PARN: variants seen among roughly 807,000 people sequenced by gnomAD.
PARN encodes the protein poly(A)-specific ribonuclease PARN.
PARN carries 71 observed loss-of-function variants against 102.8 expected under a neutral mutation model. The ratio of observed to expected loss-of-function variants is 0.69; its 90% CI spans 0.57 to 0.84. The LOEUF is 0.84. Ranked by LOEUF, PARN falls within the 40% of genes least tolerant of loss-of-function variation. PARN has a pLI of 0.00. For synonymous variants in PARN, 261 were observed against 252.9 expected, an observed-to-expected ratio of 1.03 and a Z score of -0.30; for missense variants, 782 against 760.9, an observed-to-expected ratio of 1.03 and a Z score of -0.33.
At chr16:14,612,911 T>A (rs533618508) in intron 6 of PARN, among the ~76,000 whole-genome samples, 169 of 150,482 alleles carry the variant, frequency 1.1e-3, no homozygotes, top group Middle Eastern at 3.4e-3. Flanking sequence ...ACATGTTAAA[T>A]CATCTAAGGG....
chr16:14,608,994 C>T, intron 8 of PARN, 64 bp downstream of exon 8: 1 of 869,806 alleles, frequency 1.1e-6, no homozygotes, highest in Admixed American at 2.4e-5. Context: ...CTAGATGCAT[C>T]AAATGCCACA....
intron 10 of PARN, 68 bp from the exon 11 acceptor site, chr16:14,604,294 C>A: frequency 9.9e-7 from 1 of 1,011,330 alleles, no homozygotes; most frequent in South Asian, 1.4e-5. Flanking sequence ...GAGTTTCGCT[C>A]TTGTTGCTCA....
rs147135041 is a variant in PARN, at chr16:14,607,136, C to T, written c.660-610G>A. On this transcript the variant is annotated intron_variant, in intron 9 of 23. Coordinates refer to ENST00000437198, the MANE Select transcript of PARN (RefSeq NM_002582.4). ...ATCTCAAAATACAGTCAACTCATTA[C>T]CACAGAGTCAAATCTTGCTTCCAAA... Among the ~76,000 whole-genome samples the T allele has an allele frequency of 2.5e-3, 382 of 152,198 alleles. 2 individuals are homozygous for T. The highest frequency in any genetic ancestry group is 9.0e-3 in the African/African-American group (375 of 41,542).
At chr16:14,454,064 C>T (rs1044610273) in intron 22 of PARN, among the ~76,000 whole-genome samples, 5 of 152,040 alleles carry the variant, frequency 3.3e-5, no homozygotes, top group African/African-American at 1.2e-4. Context: ...ATGTTTTGAC[C>T]TCATCCCCCT....
At chr16:14,486,738 A>C (rs1963721730) in intron 21 of PARN, among the ~76,000 whole-genome samples, 1 of 152,206 alleles carries the variant, frequency 6.6e-6, no homozygotes. Context: ...CTCTGGCTCA[A>C]AGCCACGCCT....
At chr16:14,486,832 C>T (rs916694140) in intron 21 of PARN, among the ~76,000 whole-genome samples, 10 of 152,258 alleles carry the variant, frequency 6.6e-5, no homozygotes, top group Non-Finnish European at 1.0e-4. Context: ...CAGCATGTAG[C>T]AGGCTGCTGG....
chr16:14,534,376 C>G (rs898703549), intron 21 of PARN, among the ~76,000 whole-genome samples: 1 of 151,994 alleles, frequency 6.6e-6, no homozygotes, highest in Non-Finnish European at 1.5e-5. Flanking sequence ...CTAGACTATA[C>G]AAAGATAAAT....
chr16:14,584,472 T>C, intron 15 of PARN, 50 bp from the exon 16 acceptor site: 3 of 1,451,426 alleles, frequency 2.1e-6, no homozygotes, highest in Non-Finnish European at 2.9e-6. Context: ...CTCAGAACAA[T>C]ATATTAAAGA....
At position 14,617,652 on chromosome 16, in the gene PARN, T is replaced by C; in HGVS notation, c.328-2A>G. ...TGCTAGAAAGTCAATGCTGGAGCTC[T>C]GAAACAGAGTAAACAGAACACATGT... is the stretch of plus-strand genomic sequence containing the variant. On this transcript the variant is annotated splice_acceptor_variant, in intron 5 of 23. Coordinates refer to ENST00000437198, the MANE Select transcript of PARN (RefSeq NM_002582.4). LOFTEE classifies it high-confidence loss of function. The C allele has an allele frequency of 1.3e-6, 2 of 1,580,340 alleles. No homozygotes were observed. Among genetic ancestry groups the C allele is most frequent in the Non-Finnish European group, 1.7e-6 (2 of 1,149,306 alleles).
chr16:14,513,333 A>G lies in PARN; in HGVS notation c.1481-30506T>C, dbSNP rs141897315. Among the ~76,000 whole-genome samples the G allele has an allele frequency of 1.2e-3, 187 of 152,312 alleles. No homozygotes were observed. In the Middle Eastern group the frequency reaches 0.014, roughly 11 times the overall value. ...TACAAACATGAACTATTTACTATAT[A>G]TATTCATTTTACCTGAGCTATGCTT... On this transcript the variant is annotated intron_variant, in intron 21 of 23. Transcript: ENST00000437198.
rs142529706 is a variant in PARN, at chr16:14,511,689, G to T, written c.1481-28862C>A. The stretch of plus-strand genomic sequence containing the variant: ...GGTTAAATGCATCCACTATGTTATG[G>T]TATGTTATGTTATGTTATGTTATAT... On this transcript the variant is annotated intron_variant, in intron 21 of 23. Coordinates refer to ENST00000437198, the MANE Select transcript of PARN (RefSeq NM_002582.4). 3.9e-4 allele frequency among the ~76,000 whole-genome samples: 60 copies of T among 152,124 alleles called. No individual in the cohort carries two copies. The South Asian group carries it at 5.0e-3, about 13-fold the overall frequency.
At chr16:14,552,147 T>C in intron 20 of PARN, 52 bp from the exon 21 acceptor site, 3 of 1,062,218 alleles carry the variant, frequency 2.8e-6, no homozygotes, top group African/African-American at 1.6e-5. Flanking sequence ...TGGAGAGCTA[T>C]TAGATTTAAT....
chr16:14,584,514 AT>A, intron 15 of PARN, 92 bp from the exon 16 acceptor site: 1 of 1,014,748 alleles, frequency 9.9e-7, no homozygotes. Context: ...AAAAGACAGC[AT>A]CTAGTACTGT....
chr16:14,555,406 TG>T (rs1037069524), intron 19 of PARN, among the ~76,000 whole-genome samples: 14 of 152,118 alleles, frequency 9.2e-5, no homozygotes, highest in African/African-American at 3.4e-4. Context: ...TGAGTGAAAA[TG>T]AAATATATAG....
intron 22 of PARN, among the ~76,000 whole-genome samples, chr16:14,452,258 AACTG>A (rs1319926065): frequency 2.0e-5 from 3 of 152,222 alleles, no homozygotes; most frequent in Non-Finnish European, 4.4e-5. Context: ...CTCCATAAAC[AACTG>A]ACTGCTATGC....
intron 6 of PARN, among the ~76,000 whole-genome samples, chr16:14,614,491 C>G (rs1409780627): frequency 6.6e-6 from 1 of 152,116 alleles, no homozygotes; most frequent in Non-Finnish European, 1.5e-5. Flanking sequence ...CACGCTGTGC[C>G]TACAGGAGTC....
chr16:14,493,959 C>T (rs1168213972), intron 21 of PARN, among the ~76,000 whole-genome samples: 3 of 152,216 alleles, frequency 2.0e-5, no homozygotes, highest in African/African-American at 7.2e-5. Context: ...ACTATGCTAA[C>T]TACTTTCCAA....
chr16:14,524,090 T>C (rs1035687120), intron 21 of PARN, among the ~76,000 whole-genome samples: 4 of 152,178 alleles, frequency 2.6e-5, no homozygotes, highest in Non-Finnish European at 4.4e-5. Context: ...ACGCAGTCCA[T>C]AGTTGACTGA....
chr16:14,563,701 T>G (rs945756271), intron 18 of PARN, among the ~76,000 whole-genome samples: 2 of 140,374 alleles, frequency 1.4e-5, no homozygotes, highest in Non-Finnish European at 3.0e-5. Flanking sequence ...GCACCTGGCT[T>G]TTTTTTTTTT....
Sources: allele counts gnomAD v4.1 joint callset (sites outside exome capture counted in the v4.1 genomes callset), GRCh38; gene constraint gnomAD v4.1.1; transcripts MANE v1.5; gene names NCBI Gene and HGNC (gene_info 2026-07-23, HGNC 2026-07-21).